STK32A: variants seen among roughly 807,000 people sequenced by gnomAD.
The protein encoded by STK32A is serine/threonine kinase 32A.
A neutral mutation model predicts 53.2 loss-of-function variants in STK32A; 41 were observed. The ratio of observed to expected loss-of-function variants is 0.77; its 90% CI spans 0.60 to 1.00. The LOEUF is 1.00. Among genes scored for constraint, STK32A ranks in the 50% least tolerant of loss-of-function variants. The probability of loss-of-function intolerance (pLI) is 0.00; values close to 1 mark genes in which losing one functional copy is unlikely to be tolerated. For synonymous variants in STK32A, 166 were observed against 162.8 expected, an observed-to-expected ratio of 1.02 and a Z score of -0.15; for missense variants, 458 against 485.8, an observed-to-expected ratio of 0.94 and a Z score of 0.54.
chr5:147,274,247 AC>A (rs768044329), intron 2 of STK32A, among the ~76,000 whole-genome samples: 3 of 152,180 alleles, frequency 2.0e-5, no homozygotes, highest in Non-Finnish European at 4.4e-5. Flanking sequence ...CCTCAGAGTT[AC>A]ATCTCCTTTG....
At chr5:147,399,283 C>A in the STK32A span, 1 of 1,605,014 alleles carries the variant, frequency 6.2e-7, no homozygotes, top group South Asian at 1.1e-5. Context: ...ATATCTATAT[C>A]TATAGCTACA....
chr5:147,400,388 A>G, the STK32A span, among the ~76,000 whole-genome samples: 49 of 152,310 alleles, frequency 3.2e-4, no homozygotes, highest in African/African-American at 1.2e-3. Context: ...AAACAAAAAG[A>G]ATTAACTCAC....
chr5:147,284,752 A>C (rs1752250181), intron 4 of STK32A, among the ~76,000 whole-genome samples: 1 of 152,128 alleles, frequency 6.6e-6, no homozygotes, highest in South Asian at 2.1e-4. Flanking sequence ...CAAGGAGTAG[A>C]AAGACCTCTA....
the STK32A span, chr5:147,395,799 G>A: frequency 3.2e-3 from 4,793 of 1,520,968 alleles, 10 homozygotes; most frequent in Admixed American, 3.6e-3. Flanking sequence ...AAATATATTA[G>A]TGAATACAGT....
At chr5:147,266,070 C>CATTAAATT (rs1754795084) in intron 2 of STK32A, among the ~76,000 whole-genome samples, 1 of 152,200 alleles carries the variant, frequency 6.6e-6, no homozygotes, top group Admixed American at 6.5e-5. Context: ...TTAATGTCAG[C>CATTAAATT]ACCTTTCTGT....
intron 7 of STK32A, among the ~76,000 whole-genome samples, chr5:147,351,613 C>G (rs537277965): frequency 5.2e-4 from 79 of 152,020 alleles, no homozygotes; most frequent in Admixed American, 3.7e-3. Flanking sequence ...CTTTGGGAGG[C>G]TGAAGTAGGC....
intron 2 of STK32A, among the ~76,000 whole-genome samples, chr5:147,262,608 A>C (rs949265372): frequency 5.9e-5 from 9 of 152,074 alleles, no homozygotes; most frequent in East Asian, 1.9e-4. Context: ...CAAAACAAAA[A>C]AAAACAAGAC....
intron 2 of STK32A, among the ~76,000 whole-genome samples, chr5:147,246,366 T>C (rs1580981096): frequency 6.6e-6 from 1 of 152,338 alleles, no homozygotes; most frequent in East Asian, 1.9e-4. Flanking sequence ...GAGTGTTCCC[T>C]GAGCAGTGAC....
intron 6 of STK32A, among the ~76,000 whole-genome samples, chr5:147,347,294 A>G (rs151206871): frequency 3.1e-3 from 462 of 151,074 alleles, no homozygotes; most frequent in Non-Finnish European, 4.4e-3. Context: ...CAGATTTTTT[A>G]TATGATCCTC....
intron 4 of STK32A, among the ~76,000 whole-genome samples, chr5:147,309,003 T>G (rs1283301054): frequency 6.6e-6 from 1 of 151,496 alleles, no homozygotes; most frequent in African/African-American, 2.4e-5. Flanking sequence ...TTTATATATA[T>G]TCCTACATAT....
intron 11 of STK32A, among the ~76,000 whole-genome samples, chr5:147,381,302 T>C (rs892665633): frequency 6.6e-6 from 1 of 152,184 alleles, no homozygotes; most frequent in African/African-American, 2.4e-5. Flanking sequence ...AAATTTTTTC[T>C]CTCTTGCTGC....
Position 147,269,626 on chromosome 5 carries a change from A to AT in STK32A, c.53-8490dup, listed in dbSNP as rs1204710960. On this transcript the variant is annotated intron_variant, in intron 2 of 12. Coordinates refer to ENST00000397936, the MANE Select transcript of STK32A (RefSeq NM_001112724.2). ...AAAAGGCATGCAAGACTTTTACTTG[A>AT]TTTTTTTTCCCTCCTCTCTGGGGAA... Among the ~76,000 whole-genome samples the AT allele has an allele frequency of 2.0e-5, 3 of 151,978 alleles. No individual in the cohort carries two copies. The East Asian group carries it at 5.8e-4, about 29-fold the overall frequency.
intron 5 of STK32A, among the ~76,000 whole-genome samples, chr5:147,333,620 T>A (rs1192637997): frequency 6.6e-6 from 1 of 152,210 alleles, no homozygotes; most frequent in Non-Finnish European, 1.5e-5. Context: ...TGATGATATA[T>A]TCTAATGAAT....
intron 4 of STK32A, among the ~76,000 whole-genome samples, chr5:147,284,234 A>G (rs1049098097): frequency 1.2e-4 from 19 of 152,278 alleles, no homozygotes; most frequent in African/African-American, 4.6e-4. Flanking sequence ...TTTTATGATT[A>G]AAACCCTCAG....
At chr5:147,244,671 A>G (rs995173340) in intron 2 of STK32A, among the ~76,000 whole-genome samples, 4 of 152,224 alleles carry the variant, frequency 2.6e-5, no homozygotes, top group African/African-American at 9.6e-5. Context: ...TTCTAAGGAA[A>G]CTTGAGGTAC....
chr5:147,259,950 TCCTC>T (rs1754435822), intron 2 of STK32A, among the ~76,000 whole-genome samples: 1 of 144,254 alleles, frequency 6.9e-6, no homozygotes, highest in African/African-American at 2.6e-5. Context: ...TCTCTCTCTC[TCCTC>T]TCTGTCTCTC....
Position 147,386,065 on chromosome 5 carries a change from G to C in STK32A, c.*2082G>C, listed in dbSNP as rs1581162806. On this transcript the variant is annotated 3_prime_UTR_variant, in exon 13 of 13. Coordinates refer to ENST00000397936, the MANE Select transcript of STK32A (RefSeq NM_001112724.2). Reference sequence around the variant, plus strand: ...CTGAGCTAATAGGCCCAGAGTTTCGGGCAGAGCTGTGAAATAGTGCTTCTC... The same window carrying C: ...CTGAGCTAATAGGCCCAGAGTTTCGCGCAGAGCTGTGAAATAGTGCTTCTC... 1 of 152,196 alleles carries C rather than the reference G, an allele frequency of 6.6e-6. No individual in the cohort carries two copies. The highest frequency in any genetic ancestry group is 1.5e-5 in the Non-Finnish European group (1 of 68,034). 9.4% of individuals were successfully genotyped at this position (152,196 alleles called of 1,614,324 possible). A position where few individuals can be genotyped will look rare whatever the true frequency, so the allele number is the denominator to read the frequency against.
chr5:147,400,949 C>T, the STK32A span: 1 of 1,295,438 alleles, frequency 7.7e-7, no homozygotes, highest in Non-Finnish European at 1.0e-6. Context: ...GTTTGGAATG[C>T]CTCCTCTACC....
At chr5:147,316,859 GAAAAAAAAAA>G (rs35058586) in intron 4 of STK32A, among the ~76,000 whole-genome samples, 4 of 61,336 alleles carry the variant, frequency 6.5e-5, no homozygotes, top group Admixed American at 2.5e-4. Context: ...TGTTTCTGGC[GAAAAAAAAAA>G]AAAAAAAAAA....
Sources: allele counts gnomAD v4.1 joint callset (sites outside exome capture counted in the v4.1 genomes callset), GRCh38; gene constraint gnomAD v4.1.1; transcripts MANE v1.5; gene names NCBI Gene and HGNC (gene_info 2026-07-23, HGNC 2026-07-21).